NSG1: variants seen among roughly 807,000 people sequenced by gnomAD.
NSG1 encodes the protein neuronal vesicle trafficking associated 1.
In NSG1, 9 loss-of-function variants were observed where a neutral mutation model predicts 19.3. The ratio of observed to expected loss-of-function variants is 0.47; its 90% CI spans 0.28 to 0.81. The LOEUF (loss-of-function observed/expected upper bound fraction) is 0.81, where lower values mean the gene tolerates loss of function less well. Ranked by LOEUF, NSG1 falls within the 40% of genes least tolerant of loss-of-function variation. The pLI, the probability that NSG1 is intolerant of heterozygous loss-of-function variation, is 0.11. For synonymous variants in NSG1, 104 were observed against 107.0 expected (o/e 0.97, Z 0.17); for missense variants, 236 against 242.4 (o/e 0.97, Z 0.18).
At chr4:4,406,463 C>A (rs1483387102) in intron 3 of NSG1, among the ~76,000 whole-genome samples, 2 of 152,214 alleles carry the variant, frequency 1.3e-5, no homozygotes, top group African/African-American at 4.8e-5. Flanking sequence ...TCCTTCTGGA[C>A]CACCCTGAGT....
chr4:4,396,235 C>T (rs1324480114), intron 3 of NSG1, among the ~76,000 whole-genome samples: 5 of 152,138 alleles, frequency 3.3e-5, no homozygotes, highest in African/African-American at 4.8e-5. Flanking sequence ...CTGCTGGGGC[C>T]GCTGCTTGCA....
At chr4:4,401,983 C>T (rs1052737916) in intron 3 of NSG1, among the ~76,000 whole-genome samples, 10 of 151,318 alleles carry the variant, frequency 6.6e-5, no homozygotes, top group Non-Finnish European at 1.2e-4. Flanking sequence ...CAGGCTGAAG[C>T]GATCCTCCCA....
chr4:4,409,332 C>T (rs1207519672), intron 3 of NSG1, among the ~76,000 whole-genome samples: 1 of 152,212 alleles, frequency 6.6e-6, no homozygotes, highest in African/African-American at 2.4e-5. Flanking sequence ...ACCTTGGGTA[C>T]TAAAAATAAC....
chr4:4,409,488 T>TGG (rs375786742), intron 3 of NSG1, 85 bp from the exon 4 acceptor site: 199 of 923,584 alleles, frequency 2.2e-4, no homozygotes, highest in Non-Finnish European at 2.3e-4. Context: ...ACATGCTGTG[T>TGG]GGGGGGGGGC....
intron 3 of NSG1, among the ~76,000 whole-genome samples, chr4:4,408,838 G>T (rs1400860446): frequency 3.3e-5 from 5 of 152,186 alleles, no homozygotes; most frequent in African/African-American, 9.6e-5. Context: ...TCCAGGTCCA[G>T]TGTCATCTAG....
intron 4 of NSG1, among the ~76,000 whole-genome samples, chr4:4,412,610 C>T (rs1724274596): frequency 6.6e-6 from 1 of 152,178 alleles, no homozygotes; most frequent in South Asian, 2.1e-4. Context: ...CCCTTGACCT[C>T]CTCCCTCCAT....
chr4:4,410,852 AC>A (rs1437992832), intron 4 of NSG1, among the ~76,000 whole-genome samples: 1 of 152,022 alleles, frequency 6.6e-6, no homozygotes, highest in Non-Finnish European at 1.5e-5. Flanking sequence ...TAACCTTTTT[AC>A]TTCATAAACT....
intron 3 of NSG1, among the ~76,000 whole-genome samples, chr4:4,399,647 T>A (rs2108736312): frequency 6.6e-6 from 1 of 152,358 alleles, no homozygotes; most frequent in Non-Finnish European, 1.5e-5. Flanking sequence ...TCATTTATTT[T>A]TTCTTCTATT....
chr4:4,398,148 T>C (rs996502989), intron 3 of NSG1, among the ~76,000 whole-genome samples: 1 of 151,634 alleles, frequency 6.6e-6, no homozygotes, highest in African/African-American at 2.4e-5. Flanking sequence ...GGAGATGGGG[T>C]TTCACTATCT....
At chr4:4,391,679 G>T in intron 3 of NSG1, 88 bp downstream of exon 3, 3 of 815,454 alleles carry the variant, frequency 3.7e-6, no homozygotes, top group Non-Finnish European at 3.9e-6. Flanking sequence ...GGAGGGCCAG[G>T]GTTTGACGCC....
At chr4:4,412,146 T>G (rs991103235) in intron 4 of NSG1, among the ~76,000 whole-genome samples, 1 of 152,184 alleles carries the variant, frequency 6.6e-6, no homozygotes, top group Non-Finnish European at 1.5e-5. Context: ...ATGTGGTCCA[T>G]CGTTGACCCA....
At chr4:4,401,665 C>T (rs1210170465) in intron 3 of NSG1, among the ~76,000 whole-genome samples, 5 of 152,126 alleles carry the variant, frequency 3.3e-5, no homozygotes. Flanking sequence ...TACAGCCCTG[C>T]AGGGCTGCTC....
At chr4:4,408,032 G>A (rs1008390849) in intron 3 of NSG1, among the ~76,000 whole-genome samples, 4 of 152,146 alleles carry the variant, frequency 2.6e-5, no homozygotes, top group African/African-American at 9.7e-5. Flanking sequence ...TACATCTCCT[G>A]CTTCCCCAGG....
Position 4,387,591 on chromosome 4 carries a change from C to A in NSG1, c.-26-13C>A. The A allele has an allele frequency of 6.3e-7, 1 of 1,593,860 alleles. No homozygotes were observed. Among genetic ancestry groups the A allele is most frequent in the Non-Finnish European group, 8.6e-7 (1 of 1,168,586 alleles). On this transcript the variant is annotated splice_polypyrimidine_tract_variant and intron_variant, in intron 1 of 4. Transcript: ENST00000621129. ...CTTGCTTGTGGTGACTCCCCCCGGC[C>A]CTCCCGCCGCAGGCTGCAGCCTCGG...
intron 3 of NSG1, among the ~76,000 whole-genome samples, chr4:4,392,174 A>C (rs7664650): frequency 1.4e-5 from 2 of 148,136 alleles, no homozygotes; most frequent in South Asian, 4.2e-4. Flanking sequence ...CCCCATCCCA[A>C]TGGGATGAAG....
intron 3 of NSG1, among the ~76,000 whole-genome samples, chr4:4,394,181 G>T (rs915374616): frequency 6.6e-6 from 1 of 152,184 alleles, no homozygotes; most frequent in Admixed American, 6.5e-5. Context: ...GGAGAAGTGG[G>T]TTTGTGTGGG....
Position 4,387,667 on chromosome 4 carries a change from C to T in NSG1, c.38C>T (p.Thr13Ile), listed in dbSNP as rs1194634219. The T allele has an allele frequency of 2.5e-6, 4 of 1,613,756 alleles. No homozygotes were observed. The Admixed American group carries it at 6.7e-5, about 27-fold the overall frequency. ...KLGNNFAEKG[T>I]KQPLLEDGFD... The stretch of plus-strand genomic sequence containing the variant: ...GGGAACAATTTCGCAGAGAAGGGCA[C>T]CAAGCAGCCGCTGCTGGAGGATGGC... Residue 13 changes from threonine (T) to isoleucine (I), a missense_variant, in exon 2 of 5, where the codon ACC becomes ATC. Thr to Ile is a moderately conservative substitution (Grantham distance 89). Coordinates refer to ENST00000621129, the MANE Select transcript of NSG1 (RefSeq NM_014392.5).
Position 4,387,763 on chromosome 4 carries a change from G to GCC in NSG1, c.129+11_129+12dup. ...CAGTTCCCGCCCCCGGATAAGGTAA[G>GCC]CCCCCCCACGCCCCTCCACGTTGCC... On this transcript the variant is annotated splice_donor_region_variant and intron_variant, in intron 2 of 4. Transcript: ENST00000621129. 1 of 1,593,304 alleles carries GCC rather than the reference G, an allele frequency of 6.3e-7. No individual in the cohort carries two copies. Among genetic ancestry groups the GCC allele is most frequent in the East Asian group, 2.2e-5 (1 of 44,576 alleles).
chr4:4,412,979 C>T (rs1307087680), intron 4 of NSG1, among the ~76,000 whole-genome samples: 2 of 152,154 alleles, frequency 1.3e-5, no homozygotes, highest in Non-Finnish European at 2.9e-5. Context: ...CTGGAATTCA[C>T]GTTGTCCAGC....
Sources: gnomAD v4.1 joint callset for allele counts (sites outside exome capture counted in the v4.1 genomes callset) on GRCh38, gnomAD v4.1.1 for gene constraint, MANE v1.5 for transcripts, NCBI Gene and HGNC (gene_info 2026-07-23, HGNC 2026-07-21) for gene names.